Variants in PTGER3 observed in about 807,000 individuals in gnomAD.
The protein encoded by PTGER3 is prostaglandin E receptor 3.
In PTGER3, 22 loss-of-function variants were observed where a neutral mutation model predicts 34.7. The observed-to-expected ratio is 0.63, with a 90% confidence interval of 0.45 to 0.91. The LOEUF (loss-of-function observed/expected upper bound fraction) is 0.91, where lower values mean the gene tolerates loss of function less well. Ranked by LOEUF, PTGER3 falls within the 40% of genes least tolerant of loss-of-function variation. The pLI is 0.00. For missense variants in PTGER3, 468 were observed against 519.4 expected (o/e 0.90, Z 0.96); for synonymous variants, 241 against 230.1 (o/e 1.05, Z -0.43).
intron 4 of PTGER3, among the ~76,000 whole-genome samples, chr1:70,942,280 G>C (rs983198144): frequency 6.6e-6 from 1 of 152,172 alleles, no homozygotes; most frequent in African/African-American, 2.4e-5. Context: ...GTTGCTGGTG[G>C]ACCTGTAGCA....
intron 4 of PTGER3, among the ~76,000 whole-genome samples, chr1:70,872,275 G>A (rs1646179402): frequency 6.6e-6 from 1 of 152,082 alleles, no homozygotes; most frequent in Admixed American, 6.6e-5. Flanking sequence ...AATGGTTAGG[G>A]GCATTTCTCT....
At chr1:70,917,403 TTGTGTGTGTGTG>T (rs59163586) in intron 4 of PTGER3, among the ~76,000 whole-genome samples, 33 of 136,376 alleles carry the variant, frequency 2.4e-4, no homozygotes, top group African/African-American at 5.3e-4. Context: ...GTATTTTATT[TTGTGTGTGTGTG>T]TGTGTGTGTG....
At chr1:71,008,418 A>G (rs1235429172) in intron 2 of PTGER3, 1 of 884,810 alleles carries the variant, frequency 1.1e-6, no homozygotes, top group Non-Finnish European at 1.4e-6. Flanking sequence ...TAACCCTTAA[A>G]TAGAATCTTC....
chr1:70,970,849 C>T lies in PTGER3; in HGVS notation c.*881G>A, dbSNP rs538509868. On this transcript the variant is annotated 3_prime_UTR_variant, in exon 4 of 4. Transcript: ENST00000306666. The stretch of plus-strand genomic sequence containing the variant: ...AATAGATTCTTTTATTTTATAAAAA[C>T]GTAATAAAGTTTGTTATTCAACAAC... 4.9e-5 allele frequency: 46 copies of T among 930,780 alleles called. No individual in the cohort carries two copies. The highest frequency in any genetic ancestry group is 1.5e-4 in the South Asian group (3 of 20,078). 57.7% of individuals were successfully genotyped at this position (930,780 alleles called of 1,614,324 possible).
chr1:70,881,740 G>T (rs1316912809), intron 4 of PTGER3, among the ~76,000 whole-genome samples: 1 of 152,078 alleles, frequency 6.6e-6, no homozygotes, highest in African/African-American at 2.4e-5. Flanking sequence ...TCTTTTGTTG[G>T]GTGTTCTGGT....
intron 4 of PTGER3, among the ~76,000 whole-genome samples, chr1:70,934,095 G>A (rs552757978): frequency 2.7e-4 from 41 of 152,178 alleles, no homozygotes; most frequent in African/African-American, 9.9e-4. Context: ...TGCCAGCCTT[G>A]TGCTAATCTC....
intron 4 of PTGER3, among the ~76,000 whole-genome samples, chr1:70,897,205 G>A (rs1646740093): frequency 6.6e-6 from 1 of 152,104 alleles, no homozygotes; most frequent in Non-Finnish European, 1.5e-5. Context: ...AGTGAGGTAT[G>A]TTTTATCTGA....
chr1:71,013,282 T>A (rs897337531), intron 1 of PTGER3, among the ~76,000 whole-genome samples: 2 of 152,180 alleles, frequency 1.3e-5, no homozygotes, highest in Non-Finnish European at 2.9e-5. Context: ...TGACAGTATA[T>A]GAGTTATATG....
intron 2 of PTGER3, among the ~76,000 whole-genome samples, chr1:70,984,705 C>G (rs1341654975): frequency 6.6e-6 from 1 of 151,816 alleles, no homozygotes; most frequent in East Asian, 1.9e-4. Context: ...CCAGCCTGAA[C>G]AACACAGTGA....
intron 4 of PTGER3, among the ~76,000 whole-genome samples, chr1:70,893,654 C>T (rs1332535975): frequency 1.3e-5 from 2 of 152,136 alleles, no homozygotes; most frequent in African/African-American, 2.4e-5. Context: ...AAGAACTCTT[C>T]CCTGAATAGT....
In PTGER3 at chr1:70,971,086, A is replaced by G. The variant is rs893883900; in HGVS notation, c.*644T>C. The G allele has an allele frequency of 1.0e-6, 1 of 985,148 alleles. No homozygotes were observed. 61.0% of individuals were successfully genotyped at this position (985,148 alleles called of 1,614,324 possible). ...TGTCATCAAAAGCTTAGAAATAACA[A>G]TTAAGCAGATTCCTGAGTTACTAAA... On this transcript the variant is annotated 3_prime_UTR_variant, in exon 4 of 4. Transcript: ENST00000306666.
At chr1:70,949,583 G>C (rs531236950), downstream of PTGER3, among the ~76,000 whole-genome samples, 1 of 152,276 alleles carries the variant, frequency 6.6e-6, no homozygotes, top group African/African-American at 2.4e-5. Flanking sequence ...AGTTTGGAAA[G>C]CAATGAAATG....
chr1:70,890,909 T>C (rs1316358991), intron 4 of PTGER3, among the ~76,000 whole-genome samples: 1 of 152,188 alleles, frequency 6.6e-6, no homozygotes, highest in African/African-American at 2.4e-5. Flanking sequence ...TATAGGAATT[T>C]TTGTTTGTTT....
At chr1:70,923,322 G>T (rs893403035) in intron 4 of PTGER3, among the ~76,000 whole-genome samples, 2 of 151,722 alleles carry the variant, frequency 1.3e-5, no homozygotes, top group Admixed American at 6.6e-5. Flanking sequence ...AGTTATAATT[G>T]TTATGTGAAA....
intron 4 of PTGER3, among the ~76,000 whole-genome samples, chr1:70,926,022 T>C (rs1041284858): frequency 6.6e-6 from 1 of 152,186 alleles, no homozygotes; most frequent in Admixed American, 6.6e-5. Flanking sequence ...ATGTCACTGA[T>C]ACTTTTCTAG....
At chr1:70,931,824 G>T (rs1294186587) in intron 4 of PTGER3, among the ~76,000 whole-genome samples, 1 of 152,162 alleles carries the variant, frequency 6.6e-6, no homozygotes, top group Non-Finnish European at 1.5e-5. Flanking sequence ...AAAGACCTAT[G>T]ACATGCCCTG....
intron 4 of PTGER3, among the ~76,000 whole-genome samples, chr1:70,911,079 A>T (rs1322360459): frequency 5.1e-5 from 4 of 77,824 alleles, no homozygotes; most frequent in Admixed American, 2.9e-4. Flanking sequence ...GACTCCATTT[A>T]AAAAAAAAAA....
intron 1 of PTGER3, among the ~76,000 whole-genome samples, chr1:71,018,472 T>G (rs578047034): frequency 6.6e-6 from 1 of 152,258 alleles, no homozygotes; most frequent in Non-Finnish European, 1.5e-5. Context: ...AGCTTATTAA[T>G]CCCTTTCCCC....
intron 2 of PTGER3, among the ~76,000 whole-genome samples, chr1:70,957,766 G>A (rs1400615735): frequency 1.3e-5 from 2 of 152,052 alleles, no homozygotes; most frequent in South Asian, 2.1e-4. Context: ...TATAGTCACT[G>A]TATTGTGTAA....
Sources: gnomAD v4.1 joint callset for allele counts (sites outside exome capture counted in the v4.1 genomes callset) on GRCh38, gnomAD v4.1.1 for gene constraint, MANE v1.5 for transcripts, NCBI Gene and HGNC (gene_info 2026-07-23, HGNC 2026-07-21) for gene names.